POLR1F: variants seen among roughly 807,000 people sequenced by gnomAD.
POLR1F encodes the protein DNA-directed RNA polymerase I subunit RPA43.
A neutral mutation model predicts 21.8 loss-of-function variants in POLR1F; 23 were observed. The ratio of observed to expected loss-of-function variants is 1.05; its 90% CI spans 0.76 to 1.49. POLR1F has a LOEUF of 1.49. POLR1F is among the 40% of genes most tolerant of loss of function. The pLI is 0.00. For missense variants in POLR1F, 435 were observed against 412.1 expected (o/e 1.06, Z -0.48); for synonymous variants, 162 against 152.8 (o/e 1.06, Z -0.45).
intron 3 of POLR1F, among the ~76,000 whole-genome samples, chr7:19,699,733 G>C (rs2128006137): frequency 6.6e-6 from 1 of 152,094 alleles, no homozygotes; most frequent in South Asian, 2.1e-4. Context: ...CCAATAGTTA[G>C]GAAGGTAATT....
chr7:19,696,417 C>T lies in POLR1F; in HGVS notation c.*1899G>A, dbSNP rs1459733166. The T allele has an allele frequency of 2.6e-5, 4 of 151,990 alleles. No individual in the cohort carries two copies. The highest frequency in any genetic ancestry group is 9.7e-5 in the African/African-American group (4 of 41,420). 9.4% of individuals were successfully genotyped at this position (151,990 alleles called of 1,614,324 possible). On this transcript the variant is annotated 3_prime_UTR_variant, in exon 4 of 4. Coordinates refer to ENST00000222567, the MANE Select transcript of POLR1F (RefSeq NM_001002926.2). ...GTGGGAACTTGCTTATTTGCTAAGC[C>T]ACAATGTATTTTTCCAGGAATAGCA...
In POLR1F at chr7:19,695,941, T is replaced by C. The variant is rs1270283951; in HGVS notation, c.*2375A>G. The stretch of plus-strand genomic sequence containing the variant: ...ACTTGTCATTTATACTTGTGTATCT[T>C]ATAGACAAAACGGTAAGCCCTTAAG... On this transcript the variant is annotated 3_prime_UTR_variant, in exon 4 of 4. Transcript: ENST00000222567. 2.0e-5 allele frequency: 3 copies of C among 152,150 alleles called. No homozygotes were observed. The highest frequency in any genetic ancestry group is 7.2e-5 in the African/African-American group (3 of 41,440). The allele number at this position is 152,150 out of a possible 1,614,324, so 9.4% of individuals were successfully genotyped here.
In POLR1F at chr7:19,697,470, A is replaced by T. The variant is rs1227781396; in HGVS notation, c.*846T>A. The T allele has an allele frequency of 6.6e-6, 1 of 152,178 alleles. No homozygotes were observed. Among genetic ancestry groups the T allele is most frequent in the Non-Finnish European group, 1.5e-5 (1 of 67,996 alleles). The allele number at this position is 152,178 out of a possible 1,614,324, so 9.4% of individuals were successfully genotyped here. On this transcript the variant is annotated 3_prime_UTR_variant, in exon 4 of 4. Coordinates refer to ENST00000222567, the MANE Select transcript of POLR1F (RefSeq NM_001002926.2). Reference sequence around the variant, plus strand: ...AGAGACATTCCACATTTTCTCAATGAAAGCAGTGAACAGAACAACTGTTTT... The same window carrying T: ...AGAGACATTCCACATTTTCTCAATGTAAGCAGTGAACAGAACAACTGTTTT...
rs1467740108 is a variant in POLR1F, at chr7:19,696,387, G to C, written c.*1929C>G. On this transcript the variant is annotated 3_prime_UTR_variant, in exon 4 of 4. Transcript: ENST00000222567. ...AAGTATTACTTGAAGCAAAACAAAA[G>C]TAACGTGGGAACTTGCTTATTTGCT... 1 of 151,968 alleles carries C rather than the reference G, an allele frequency of 6.6e-6. No individual in the cohort carries two copies. Among genetic ancestry groups the C allele is most frequent in the African/African-American group, 2.4e-5 (1 of 41,390 alleles). 9.4% of individuals were successfully genotyped at this position (151,968 alleles called of 1,614,324 possible).
At position 19,695,550 on chromosome 7, in the gene POLR1F, GAT is replaced by G. The variant is rs773730423; in HGVS notation, c.*2764_*2765del. 2.2e-4 allele frequency: 33 copies of G among 152,064 alleles called. No homozygotes were observed. Among genetic ancestry groups the G allele is most frequent in the Non-Finnish European group, 4.4e-4 (30 of 67,968 alleles). The allele number at this position is 152,064 out of a possible 1,614,324, so 9.4% of individuals were successfully genotyped here. On this transcript the variant is annotated 3_prime_UTR_variant, in exon 4 of 4. Transcript: ENST00000222567. ...AAAGGATTCACTGTTAAATACTATA[GAT>G]ATAGTTAAGGCATAATTCCAGCCCT... is the stretch of plus-strand genomic sequence containing the variant.
chr7:19,698,767 C>CA (rs763841038), intron 3 of POLR1F, 40 bp from the exon 4 acceptor site: 2 of 1,461,370 alleles, frequency 1.4e-6, no homozygotes, highest in Non-Finnish European at 1.8e-6. Flanking sequence ...GAACAATAAG[C>CA]AAAAAACAAA....
intron 1 of POLR1F, 114 bp from the exon 2 acceptor site, chr7:19,705,034 GC>G: frequency 9.6e-7 from 1 of 1,042,478 alleles, no homozygotes; most frequent in Non-Finnish European, 1.4e-6. Flanking sequence ...CATCAACAGG[GC>G]TCACTGCAGC....
chr7:19,699,876 T>C (rs1297632904), intron 3 of POLR1F, among the ~76,000 whole-genome samples, 196 bp downstream of exon 3: 1 of 152,198 alleles, frequency 6.6e-6, no homozygotes, highest in Admixed American at 6.5e-5. Context: ...TTTCAGAATA[T>C]TTATTTGATG....
chr7:19,708,976 G>A lies in POLR1F; in HGVS notation c.41C>T (p.Ala14Val). 2 of 1,597,284 alleles carry A rather than the reference G, an allele frequency of 1.3e-6. No homozygotes were observed. Among genetic ancestry groups the A allele is most frequent in the East Asian group, 2.2e-5 (1 of 44,522 alleles). ...GCSEAPRPAA[A>V]SDGSLVGQAG... The stretch of plus-strand genomic sequence containing the variant: ...CTGCCCTACCAGAGACCCATCAGAA[G>A]CCGCCGCTGGCCGCGGCGCCTCTGA... Residue 14 changes from alanine (A) to valine (V), a missense_variant, in exon 1 of 4, where the codon GCT becomes GTT. By Grantham distance (64) the Ala-to-Val change is moderately conservative. Transcript: ENST00000222567.
intron 1 of POLR1F, chr7:19,705,470 A>G (rs976376251): frequency 6.5e-6 from 1 of 153,032 alleles, no homozygotes; most frequent in Non-Finnish European, 1.5e-5. Flanking sequence ...ACATGACTGA[A>G]TAAGAGGCAA....
chr7:19,700,306 G>GT, intron 2 of POLR1F, 26 bp from the exon 3 acceptor site: 1 of 1,573,434 alleles, frequency 6.4e-7, no homozygotes, highest in Non-Finnish European at 8.7e-7. Flanking sequence ...AAGAAAGAGC[G>GT]TAACATAAAG....
intron 2 of POLR1F, 21 bp from the exon 3 acceptor site, chr7:19,700,301 A>G (rs1453205089): frequency 6.3e-7 from 1 of 1,590,200 alleles, no homozygotes; most frequent in Non-Finnish European, 8.6e-7. Flanking sequence ...GAAGGAAGAA[A>G]GAGCGTAACA....
Position 19,696,058 on chromosome 7 carries a change from A to C in POLR1F, c.*2258T>G, listed in dbSNP as rs1425914850. ...TGGGTGAATGATAGGAACTGGAGAG[A>C]GGGTAAGGGATCTAGTCTAGGCTAT... On this transcript the variant is annotated 3_prime_UTR_variant, in exon 4 of 4. Coordinates refer to ENST00000222567, the MANE Select transcript of POLR1F (RefSeq NM_001002926.2). The C allele has an allele frequency of 6.6e-6, 1 of 152,102 alleles. No homozygotes were observed. Among genetic ancestry groups the C allele is most frequent in the Admixed American group, 6.6e-5 (1 of 15,266 alleles). 9.4% of individuals were successfully genotyped at this position (152,102 alleles called of 1,614,324 possible). A position where few individuals can be genotyped will look rare whatever the true frequency, so the allele number is the denominator to read the frequency against.
chr7:19,704,822 G>T lies in POLR1F; in HGVS notation c.353C>A (p.Ala118Asp). The T allele has an allele frequency of 6.2e-7, 1 of 1,607,396 alleles. No individual in the cohort carries two copies. Among genetic ancestry groups the T allele is most frequent in the Non-Finnish European group, 8.5e-7 (1 of 1,177,956 alleles). ...TTCAGGGCAGAAAATAACAAAATCG[G>T]CTTCAATGTTAAGATGAATGTGTCC... ...DQGHIHLNIE[A>D]DFVIFCPEPG... Residue 118 changes from alanine to aspartate, a missense_variant, in exon 2 of 4, where the codon GCC becomes GAC. Transcript: ENST00000222567.
chr7:19,700,566 C>G (rs1172431749), intron 2 of POLR1F, among the ~76,000 whole-genome samples: 1 of 152,144 alleles, frequency 6.6e-6, no homozygotes, highest in East Asian at 1.9e-4. Flanking sequence ...GATAAACTAA[C>G]CTGCCCCCGC....
At chr7:19,699,673 C>T (rs1329288358) in intron 3 of POLR1F, among the ~76,000 whole-genome samples, 1 of 151,954 alleles carries the variant, frequency 6.6e-6, no homozygotes, top group African/African-American at 2.4e-5. Context: ...AAATATCTGG[C>T]ACAGAAGACA....
intron 1 of POLR1F, among the ~76,000 whole-genome samples, chr7:19,708,048 C>T (rs1243892638): frequency 6.6e-6 from 1 of 152,066 alleles, no homozygotes; most frequent in Admixed American, 6.6e-5. Context: ...GCCCGCGCCC[C>T]CCGCCCCACA....
chr7:19,700,703 C>T (rs911193289), intron 2 of POLR1F, among the ~76,000 whole-genome samples: 1 of 152,144 alleles, frequency 6.6e-6, no homozygotes, highest in African/African-American at 2.4e-5. Flanking sequence ...ACCTCATATG[C>T]GTTTTATAAC....
At position 19,696,054 on chromosome 7, in the gene POLR1F, A is replaced by G. The variant is rs1000347176; in HGVS notation, c.*2262T>C. The G allele has an allele frequency of 6.6e-6, 1 of 152,148 alleles. No individual in the cohort carries two copies. Among genetic ancestry groups the G allele is most frequent in the Non-Finnish European group, 1.5e-5 (1 of 67,998 alleles). The allele number at this position is 152,148 out of a possible 1,614,324, so 9.4% of individuals were successfully genotyped here. ...GAAATGGGTGAATGATAGGAACTGGAGAGAGGGTAAGGGATCTAGTCTAGG... is the reference window on the plus strand; with the variant it reads ...GAAATGGGTGAATGATAGGAACTGGGGAGAGGGTAAGGGATCTAGTCTAGG... On this transcript the variant is annotated 3_prime_UTR_variant, in exon 4 of 4. Coordinates refer to ENST00000222567, the MANE Select transcript of POLR1F (RefSeq NM_001002926.2).
Sources: gnomAD v4.1 joint callset for allele counts (sites outside exome capture counted in the v4.1 genomes callset) on GRCh38, gnomAD v4.1.1 for gene constraint, MANE v1.5 for transcripts, NCBI Gene and HGNC (gene_info 2026-07-23, HGNC 2026-07-21) for gene names.